The following COQ3 variants were observed in gnomAD, a reference collection of about 807,000 sequenced individuals.
The protein encoded by COQ3 is coenzyme Q3, methyltransferase.
A neutral mutation model predicts 33.1 loss-of-function variants in COQ3; 29 were observed. That is an observed-to-expected ratio of 0.88 (90% confidence interval 0.65 to 1.19). COQ3 has a LOEUF of 1.19. Among genes scored for constraint, COQ3 ranks in the 50% most tolerant of loss-of-function variants. COQ3 has a pLI of 0.00. For missense variants in COQ3, 437 were observed against 430.7 expected (o/e 1.01, Z -0.13); for synonymous variants, 173 against 157.8 (o/e 1.10, Z -0.72).
At chr6:99,373,677 A>G (rs958831137) in intron 5 of COQ3, among the ~76,000 whole-genome samples, 2 of 152,140 alleles carry the variant, frequency 1.3e-5, no homozygotes, top group Non-Finnish European at 2.9e-5. Context: ...ATAAGAGATA[A>G]GCCTAGTAAA....
At chr6:99,387,246 T>C (rs9402727) in intron 1 of COQ3, among the ~76,000 whole-genome samples, 77,839 of 151,996 alleles carry the variant, frequency 0.51, 20,368 homozygotes, top group East Asian at 0.79. Flanking sequence ...CCCAGGAGTT[T>C]GAGACAAGTC....
At chr6:99,392,999 C>A (rs1374100766) in intron 1 of COQ3, among the ~76,000 whole-genome samples, 2 of 152,132 alleles carry the variant, frequency 1.3e-5, no homozygotes. Context: ...AAAATTGGAA[C>A]TAGGTTTATT....
In COQ3 at chr6:99,389,238, C is replaced by T. The variant is rs1226687233; in HGVS notation, c.106+4836G>A. Among the ~76,000 whole-genome samples the T allele has an allele frequency of 2.0e-5, 3 of 152,144 alleles. No individual in the cohort carries two copies. In the East Asian group the frequency reaches 5.8e-4, roughly 29 times the overall value. On this transcript the variant is annotated intron_variant, in intron 1 of 6. Coordinates refer to ENST00000254759, the MANE Select transcript of COQ3 (RefSeq NM_017421.4). ...CCCAGTTTCAAGTGATTATCCAGCT[C>T]AGCCTCCCAAGTAACTGGGACTACA...
intron 1 of COQ3, among the ~76,000 whole-genome samples, chr6:99,386,382 A>G (rs1320181810): frequency 6.6e-6 from 1 of 152,186 alleles, no homozygotes; most frequent in Admixed American, 6.6e-5. Flanking sequence ...GTGAGCCGAG[A>G]TGGCTCCTCT....
chr6:99,384,367 G>A (rs921646258), intron 1 of COQ3, among the ~76,000 whole-genome samples: 1 of 152,098 alleles, frequency 6.6e-6, no homozygotes, highest in Non-Finnish European at 1.5e-5. Flanking sequence ...GCCAAAACAA[G>A]TAATGCATCT....
At chr6:99,371,684 T>C in intron 5 of COQ3, 97 bp from the exon 6 acceptor site, 1 of 752,466 alleles carries the variant, frequency 1.3e-6, no homozygotes, top group Non-Finnish European at 2.2e-6. Flanking sequence ...TTCTTCCAAA[T>C]AATCTGAGTG....
chr6:99,376,824 A>C (rs936343988), intron 4 of COQ3, among the ~76,000 whole-genome samples: 1 of 151,904 alleles, frequency 6.6e-6, no homozygotes, highest in Non-Finnish European at 1.5e-5. Context: ...TTAGCTGGGC[A>C]TGGTGGCGGC....
chr6:99,371,292 G>C lies in COQ3; in HGVS notation c.889+136C>G, dbSNP rs945646990. 6 of 576,750 alleles carry C rather than the reference G, an allele frequency of 1.0e-5. No individual in the cohort carries two copies. The African/African-American group carries it at 1.2e-4, about 11-fold the overall frequency. 35.7% of individuals were successfully genotyped at this position (576,750 alleles called of 1,614,324 possible). A position where few individuals can be genotyped will look rare whatever the true frequency, so the allele number is the denominator to read the frequency against. On this transcript the variant is annotated intron_variant, in intron 6 of 6. Coordinates refer to ENST00000254759, the MANE Select transcript of COQ3 (RefSeq NM_017421.4). The stretch of plus-strand genomic sequence containing the variant: ...CTAGCTTCCATGAGTTTATGACCTA[G>C]TTGAGAAGATAAAACCAACATTCAA...
chr6:99,387,948 C>T (rs528410257), intron 1 of COQ3, among the ~76,000 whole-genome samples: 43 of 151,872 alleles, frequency 2.8e-4, no homozygotes, highest in African/African-American at 1.0e-3. Context: ...GTGGATCACC[C>T]GAGGTTGGGA....
At chr6:99,379,756 G>A (rs1413168680) in intron 3 of COQ3, among the ~76,000 whole-genome samples, 1 of 152,072 alleles carries the variant, frequency 6.6e-6, no homozygotes, top group African/African-American at 2.4e-5. Flanking sequence ...TCAGGAGGCT[G>A]AGGCAGGAGA....
intron 5 of COQ3, among the ~76,000 whole-genome samples, chr6:99,374,804 C>T (rs1774238755): frequency 6.6e-6 from 1 of 152,132 alleles, no homozygotes; most frequent in African/African-American, 2.4e-5. Flanking sequence ...ATAACAATAC[C>T]TGCCTTTCCT....
chr6:99,380,108 T>A, intron 3 of COQ3, 81 bp downstream of exon 3: 1 of 1,377,530 alleles, frequency 7.3e-7, no homozygotes, highest in South Asian at 1.3e-5. Context: ...TAACTAGGTA[T>A]AAACTAAGAA....
chr6:99,371,487 C>T lies in COQ3; in HGVS notation c.830G>A (p.Gly277Asp), dbSNP rs779005475. The T allele has an allele frequency of 3.1e-6, 5 of 1,606,824 alleles. No individual in the cohort carries two copies. Among genetic ancestry groups the T allele is most frequent in the Middle Eastern group, 1.6e-4 (1 of 6,066 alleles). ...AACAAACTTCTCCCATGTATGAGTA[C>T]CTTTTGGTACAATACTTGCAATTTG... ...SEQIASIVPKGTHTWEKFVSP... is the reference protein window; with the variant it reads ...SEQIASIVPKDTHTWEKFVSP... Residue 277 changes from glycine to aspartate, a missense_variant, in exon 6 of 7, where the codon GGT (glycine) becomes GAT (aspartate). Gly to Asp is a moderately conservative substitution (Grantham distance 94). Coordinates refer to ENST00000254759, the MANE Select transcript of COQ3 (RefSeq NM_017421.4).
In COQ3 at chr6:99,371,583, C is replaced by T; in HGVS notation, c.734G>A (p.Gly245Asp). ...LQCCCQVLKP[G>D]GSLFITTINK... is the part of the protein sequence containing the mutation. The stretch of plus-strand genomic sequence containing the variant: ...GATTGTAGTAATGAATAAAGAACCA[C>T]CGGGCTAAAAGAAATGAAATTATAT... The change falls in exon 6 of 7, where the codon GGT becomes GAT. Residue 245 changes from glycine to aspartate, a missense_variant. Coordinates refer to ENST00000254759, the MANE Select transcript of COQ3 (RefSeq NM_017421.4). 6.3e-7 allele frequency: 1 copy of T among 1,587,356 alleles called. No homozygotes were observed. Among genetic ancestry groups the T allele is most frequent in the South Asian group, 1.2e-5 (1 of 86,490 alleles).
At position 99,369,595 on chromosome 6, in the gene COQ3, A is replaced by G. The variant is rs1252973456; in HGVS notation, c.*5T>C. The G allele has an allele frequency of 4.4e-6, 7 of 1,603,436 alleles. No individual in the cohort carries two copies. The highest frequency in any genetic ancestry group is 1.7e-5 in the Admixed American group (1 of 59,852). On this transcript the variant is annotated 3_prime_UTR_variant, in exon 7 of 7. Transcript: ENST00000254759. ...AGCCATATTACTATAGTTCTCAGAAACAATTCATTTCTTCAGCTTTTCATG... is the reference window on the plus strand; with the variant it reads ...AGCCATATTACTATAGTTCTCAGAAGCAATTCATTTCTTCAGCTTTTCATG...
chr6:99,392,761 G>T (rs1029661117), intron 1 of COQ3, among the ~76,000 whole-genome samples: 1 of 152,038 alleles, frequency 6.6e-6, no homozygotes, highest in African/African-American at 2.4e-5. Flanking sequence ...GAGTAGCTGG[G>T]ATTACAGGCG....
chr6:99,387,604 C>T (rs1305127965), intron 1 of COQ3, among the ~76,000 whole-genome samples: 1 of 152,146 alleles, frequency 6.6e-6, no homozygotes, highest in Non-Finnish European at 1.5e-5. Flanking sequence ...TCTTACAAAA[C>T]AGCTATAAAA....
chr6:99,372,012 C>T (rs113186770), intron 5 of COQ3, among the ~76,000 whole-genome samples: 5 of 152,322 alleles, frequency 3.3e-5, no homozygotes, highest in Admixed American at 1.3e-4. Context: ...CAGAGCTATA[C>T]ATCTTGTGCA....
At chr6:99,378,110 A>G (rs9483844) in intron 3 of COQ3, among the ~76,000 whole-genome samples, 1,054 of 22,724 alleles carry the variant, frequency 0.046, 9 homozygotes, top group African/African-American at 0.19. Context: ...CTAAACATAT[A>G]TATATATATA....
Sources: allele counts gnomAD v4.1 joint callset (sites outside exome capture counted in the v4.1 genomes callset), GRCh38; gene constraint gnomAD v4.1.1; transcripts MANE v1.5; gene names NCBI Gene and HGNC (gene_info 2026-07-23, HGNC 2026-07-21).